The following KSR2 variants were observed in gnomAD, a reference collection of about 807,000 sequenced individuals.
The protein encoded by KSR2 is kinase suppressor of ras 2.
Under a neutral mutation model 107.8 loss-of-function variants are expected in KSR2, and 25 were observed. That is an observed-to-expected ratio of 0.23 (90% CI 0.17 to 0.32). The LOEUF is 0.32. Among genes scored for constraint, KSR2 ranks in the 10% least tolerant of loss-of-function variants. KSR2 has a pLI of 1.00. For missense variants in KSR2, 887 were observed against 1,268.9 expected, an observed-to-expected ratio of 0.70 and a Z score of 4.57; for synonymous variants, 480 against 507.0, an observed-to-expected ratio of 0.95 and a Z score of 0.71.
At chr12:117,531,079 T>G in intron 11 of KSR2, 66 bp from the exon 12 acceptor site, 17 of 1,290,292 alleles carry the variant, frequency 1.3e-5, no homozygotes, top group Non-Finnish European at 1.8e-5. Context: ...AAAGGCCTGA[T>G]TCCTGGGCGA....
At chr12:117,937,970 A>AG (rs1895896204) in intron 1 of KSR2, among the ~76,000 whole-genome samples, 1 of 142,604 alleles carries the variant, frequency 7.0e-6, no homozygotes. Flanking sequence ...CTCTGTCTCA[A>AG]GAAAAAAAAA....
chr12:117,676,369 A>G (rs2136517405), intron 4 of KSR2, among the ~76,000 whole-genome samples: 1 of 152,348 alleles, frequency 6.6e-6, no homozygotes, highest in African/African-American at 2.4e-5. Flanking sequence ...GAAGACATGG[A>G]TGCATCTTTT....
intron 1 of KSR2, among the ~76,000 whole-genome samples, chr12:117,874,782 A>G (rs1263951384): frequency 6.6e-6 from 1 of 152,068 alleles, no homozygotes; most frequent in Admixed American, 6.6e-5. Context: ...GTCGACCTCA[A>G]TTCAAGTCCA....
chr12:117,477,874 A>AT (rs1372101031), intron 16 of KSR2, among the ~76,000 whole-genome samples: 2 of 152,238 alleles, frequency 1.3e-5, no homozygotes, highest in Non-Finnish European at 2.9e-5. Context: ...GATACAGGGA[A>AT]TATCTCCCTT....
chr12:117,568,673 T>G (rs1878689940), intron 7 of KSR2, among the ~76,000 whole-genome samples: 1 of 152,036 alleles, frequency 6.6e-6, no homozygotes, highest in Admixed American at 6.5e-5. Context: ...GTAAAGTGTT[T>G]AGCAAAATGT....
At chr12:117,872,375 G>A (rs984178720) in intron 1 of KSR2, among the ~76,000 whole-genome samples, 2 of 152,020 alleles carry the variant, frequency 1.3e-5, no homozygotes, top group South Asian at 4.1e-4. Flanking sequence ...ACCAGCCTGG[G>A]CAACATAGCA....
chr12:117,763,971 G>A (rs993287780), intron 3 of KSR2, among the ~76,000 whole-genome samples: 11 of 151,958 alleles, frequency 7.2e-5, no homozygotes, highest in Non-Finnish European at 1.3e-4. Flanking sequence ...GGGGCGCAAA[G>A]AAATTCCTAG....
rs1032645307 is a variant in KSR2, at chr12:117,454,102, G to A, written c.*13097C>T. On this transcript the variant is annotated 3_prime_UTR_variant, in exon 20 of 20. Transcript: ENST00000339824. ...AATGTCCCCCTAGAGGTGGGATTCT[G>A]GGGGAGGTTCATTTGGGTGATTGAG... 1.3e-5 allele frequency: 2 copies of A among 152,160 alleles called. No individual in the cohort carries two copies. The highest frequency in any genetic ancestry group is 1.3e-4 in the Admixed American group (2 of 15,280). 9.4% of individuals were successfully genotyped at this position (152,160 alleles called of 1,614,324 possible).
chr12:117,559,491 C>T (rs1454718231), intron 7 of KSR2, among the ~76,000 whole-genome samples: 1 of 152,142 alleles, frequency 6.6e-6, no homozygotes, highest in Non-Finnish European at 1.5e-5. Context: ...ATTCCCATTT[C>T]ACAGATGGAA....
chr12:117,829,929 A>G (rs1398276020), intron 3 of KSR2, among the ~76,000 whole-genome samples: 1 of 152,220 alleles, frequency 6.6e-6, no homozygotes, highest in African/African-American at 2.4e-5. Flanking sequence ...GGCCAGCATT[A>G]TCCTAAGTGA....
intron 3 of KSR2, among the ~76,000 whole-genome samples, chr12:117,782,576 T>G (rs1434742835): frequency 6.6e-6 from 1 of 152,206 alleles, no homozygotes; most frequent in East Asian, 1.9e-4. Flanking sequence ...GAAACAAATA[T>G]TTTTAAAGTA....
intron 4 of KSR2, among the ~76,000 whole-genome samples, chr12:117,707,578 G>A (rs557449693): frequency 6.6e-6 from 1 of 152,282 alleles, no homozygotes; most frequent in South Asian, 2.1e-4. Flanking sequence ...AAAGGGGTGG[G>A]ATATGAGGAA....
intron 1 of KSR2, among the ~76,000 whole-genome samples, chr12:117,917,362 G>A (rs749019839): frequency 2.0e-5 from 3 of 152,164 alleles, no homozygotes; most frequent in South Asian, 2.1e-4. Flanking sequence ...GCAACATAGC[G>A]AGACCCTGTC....
At chr12:117,903,763 T>C (rs1228716991) in intron 1 of KSR2, among the ~76,000 whole-genome samples, 1 of 152,204 alleles carries the variant, frequency 6.6e-6, no homozygotes, top group Admixed American at 6.5e-5. Flanking sequence ...CCCAGAACTT[T>C]GGGAGACTGA....
chr12:117,755,121 A>C (rs1460204112), intron 4 of KSR2, among the ~76,000 whole-genome samples: 1 of 152,214 alleles, frequency 6.6e-6, no homozygotes, highest in Non-Finnish European at 1.5e-5. Flanking sequence ...CACAGAAGAG[A>C]GGGCAAAGGC....
At chr12:117,788,047 A>G (rs1011572473) in intron 3 of KSR2, among the ~76,000 whole-genome samples, 2 of 152,238 alleles carry the variant, frequency 1.3e-5, no homozygotes, top group African/African-American at 4.8e-5. Context: ...GAAGTCTTGG[A>G]AAGAGATGGA....
intron 4 of KSR2, among the ~76,000 whole-genome samples, chr12:117,701,312 C>G (rs748023012): frequency 1.3e-5 from 2 of 152,082 alleles, no homozygotes; most frequent in African/African-American, 4.8e-5. Flanking sequence ...AGGCTGGTGT[C>G]GAACTCCTGA....
chr12:117,649,833 G>A (rs1262084383), intron 5 of KSR2, among the ~76,000 whole-genome samples: 2 of 152,192 alleles, frequency 1.3e-5, no homozygotes, highest in African/African-American at 2.4e-5. Flanking sequence ...AACAGAAACA[G>A]AGAACTGAAA....
chr12:117,624,030 T>C (rs887607373), intron 5 of KSR2, among the ~76,000 whole-genome samples: 3 of 152,234 alleles, frequency 2.0e-5, no homozygotes, highest in Admixed American at 6.5e-5. Flanking sequence ...GATGTCTTCT[T>C]TTGAGAAGTG....
Sources: gnomAD v4.1 joint callset for allele counts (sites outside exome capture counted in the v4.1 genomes callset) on GRCh38, gnomAD v4.1.1 for gene constraint, MANE v1.5 for transcripts, NCBI Gene and HGNC (gene_info 2026-07-23, HGNC 2026-07-21) for gene names.